Variants in C2CD3 observed in about 807,000 individuals in gnomAD.
C2CD3 encodes C2 domain containing 3 centriole elongation regulator.
In C2CD3, 148 loss-of-function variants were observed where a neutral mutation model predicts 234.0. The observed-to-expected ratio is 0.63, with a 90% CI of 0.55 to 0.72. The LOEUF is 0.72. Among genes scored for constraint, C2CD3 ranks in the 30% least tolerant of loss-of-function variants. The pLI is 0.00. For synonymous variants in C2CD3, 1,000 were observed against 1,035.4 expected, an observed-to-expected ratio of 0.97 and a Z score of 0.66; for missense variants, 2,577 against 2,811.5, an observed-to-expected ratio of 0.92 and a Z score of 1.89.
In C2CD3 at chr11:74,118,284, C is replaced by T. The variant is rs1195488959; in HGVS notation, c.1464G>A (p.Lys488=). Residue 488 remains lysine, a synonymous_variant, in exon 9 of 33, where the codon AAG becomes AAA. Transcript: ENST00000334126. The stretch of plus-strand genomic sequence containing the variant: ...GCTTATGATCACTTGACTCCAGAAC[C>T]TTAGATGATCTGGCAAGAGCTGTTG... ...SQSTALARSS[K]VLESSDHKLK... 3 of 1,613,182 alleles carry T rather than the reference C, an allele frequency of 1.9e-6. No homozygotes were observed. The highest frequency in any genetic ancestry group is 2.2e-5 in the South Asian group (2 of 91,068).
At chr11:74,056,300 T>A (rs1953946320) in intron 25 of C2CD3, among the ~76,000 whole-genome samples, 1 of 152,228 alleles carries the variant, frequency 6.6e-6, no homozygotes, top group African/African-American at 2.4e-5. Context: ...GTTACTATTA[T>A]CATAACATTG....
Position 74,168,379 on chromosome 11 carries a change from C to T in C2CD3, c.290G>A (p.Arg97His), listed in dbSNP as rs367882706. The part of the protein sequence containing the change: ...AVRTTTRYAI[R>H]CGPKQFTSYL... ...AGAGGTAAACTGTTTTGGACCACAACGAATAGCGTAACGTGTAGTTGTTCT... is the reference window on the plus strand; with the variant it reads ...AGAGGTAAACTGTTTTGGACCACAATGAATAGCGTAACGTGTAGTTGTTCT... Residue 97 changes from arginine to histidine, a missense_variant, in exon 2 of 33, where the codon CGT (arginine) becomes CAT (histidine). By Grantham distance (29) the Arg-to-His change is conservative. Coordinates refer to ENST00000334126, the MANE Select transcript of C2CD3 (RefSeq NM_001286577.2). 1.3e-5 allele frequency: 21 copies of T among 1,613,896 alleles called. No homozygotes were observed. The highest frequency in any genetic ancestry group is 1.1e-4 in the South Asian group (10 of 91,088).
chr11:74,133,769 C>T (rs1957760242), intron 5 of C2CD3: 1 of 554,862 alleles, frequency 1.8e-6, no homozygotes, highest in Non-Finnish European at 3.2e-6. Context: ...TAGATGCTGG[C>T]ATTGTAACAA....
intron 32 of C2CD3, among the ~76,000 whole-genome samples, chr11:74,027,093 G>A (rs1215828251): frequency 1.3e-5 from 2 of 151,804 alleles, no homozygotes; most frequent in Non-Finnish European, 2.9e-5. Flanking sequence ...GTCAGTATGT[G>A]AAGCTCTGAG....
chr11:74,111,945 C>T (rs1436587223), intron 11 of C2CD3, among the ~76,000 whole-genome samples: 1 of 146,032 alleles, frequency 6.8e-6, no homozygotes, highest in African/African-American at 2.6e-5. Context: ...CACACACACA[C>T]ACACACACAC....
In C2CD3 at chr11:74,080,107, C is replaced by A. The variant is rs1955274957; in HGVS notation, c.4001-1390G>T. Among the ~76,000 whole-genome samples the A allele has an allele frequency of 2.6e-5, 4 of 152,196 alleles. No homozygotes were observed. The South Asian group carries it at 8.3e-4, about 32-fold the overall frequency. ...GGCTCCTCAATGAGTTAAAAAACTTCTATTTTCAGGGTCTTTCAGATTTTG... is the reference window on the plus strand; with the variant it reads ...GGCTCCTCAATGAGTTAAAAAACTTATATTTTCAGGGTCTTTCAGATTTTG... On this transcript the variant is annotated intron_variant, in intron 22 of 32. Transcript: ENST00000334126.
At chr11:74,015,678 T>G (rs1052377973) in intron 32 of C2CD3, among the ~76,000 whole-genome samples, 4 of 152,232 alleles carry the variant, frequency 2.6e-5, no homozygotes, top group African/African-American at 4.8e-5. Context: ...TTCCCCATTT[T>G]CTAGAAGAGA....
intron 32 of C2CD3, among the ~76,000 whole-genome samples, chr11:74,022,586 A>C (rs906720673): frequency 1.3e-5 from 2 of 152,204 alleles, no homozygotes; most frequent in African/African-American, 4.8e-5. Flanking sequence ...ACACAGTCTG[A>C]GGAAGACAAC....
At chr11:74,029,976 G>C (rs529469186) in intron 31 of C2CD3, among the ~76,000 whole-genome samples, 2 of 152,102 alleles carry the variant, frequency 1.3e-5, no homozygotes, top group East Asian at 3.9e-4. Context: ...GGCTGGTCTT[G>C]AACTCCTGAC....
chr11:74,163,126 C>T (rs1448901471), intron 2 of C2CD3, among the ~76,000 whole-genome samples: 1 of 152,138 alleles, frequency 6.6e-6, no homozygotes, highest in Non-Finnish European at 1.5e-5. Context: ...TCGTTTTCAG[C>T]ATTTGTTAAT....
At chr11:74,095,507 T>C (rs1956073221) in intron 16 of C2CD3, 99 bp from the exon 17 acceptor site, 4 of 859,818 alleles carry the variant, frequency 4.7e-6, no homozygotes, top group Admixed American at 2.6e-5. Flanking sequence ...AAGAGATAAG[T>C]ATAATTAGTT....
Position 74,094,394 on chromosome 11 carries a change from G to C in C2CD3, c.3161-395C>G, listed in dbSNP as rs567083976. 2.0e-5 allele frequency among the ~76,000 whole-genome samples: 3 copies of C among 152,140 alleles called. No individual in the cohort carries two copies. The East Asian group carries it at 5.8e-4, about 29-fold the overall frequency. On this transcript the variant is annotated intron_variant, in intron 17 of 32. Transcript: ENST00000334126. ...TTTAATTGGTTTTTAAGAAATGATT[G>C]ATTTGTAAGAGTTCTTTATATATTC... is the stretch of plus-strand genomic sequence containing the variant.
intron 22 of C2CD3, among the ~76,000 whole-genome samples, chr11:74,084,432 T>TAA (rs58232839): frequency 7.4e-6 from 1 of 134,804 alleles, no homozygotes; most frequent in Non-Finnish European, 1.6e-5. Flanking sequence ...TAAAGTATAA[T>TAA]AAAAAAAAAA....
chr11:74,096,748 GC>G (rs1956121386), intron 16 of C2CD3, among the ~76,000 whole-genome samples: 2 of 152,104 alleles, frequency 1.3e-5, no homozygotes, highest in Non-Finnish European at 2.9e-5. Context: ...GCCATACAAC[GC>G]CTAAACAGAC....
In C2CD3 at chr11:74,074,325, C is replaced by A; in HGVS notation, c.4879G>T (p.Gly1627Cys). 1 of 1,614,228 alleles carries A rather than the reference C, an allele frequency of 6.2e-7. No homozygotes were observed. Among genetic ancestry groups the A allele is most frequent in the Non-Finnish European group, 8.5e-7 (1 of 1,180,040 alleles). Residue 1627 changes from glycine to cysteine, a missense_variant, in exon 24 of 33, where the codon GGC (glycine) becomes TGC (cysteine). Transcript: ENST00000334126. ...AACGTTCCATCCAAATCAGCAGGGC[C>A]CTCCTGCGTCAGGCGGACTTCAGCT... ...TTAEVRLTQE[G>C]PADLDGTFAV...
rs1193203123 is a variant in C2CD3, at chr11:74,138,764, C to T, written c.911G>A (p.Cys304Tyr). The T allele has an allele frequency of 6.2e-7, 1 of 1,612,766 alleles. No homozygotes were observed. Among genetic ancestry groups the T allele is most frequent in the Non-Finnish European group, 8.5e-7 (1 of 1,178,770 alleles). ...AGGGAGGTTGTTTGAAGAAAGAATG[C>T]ATGAGTCACTGTGACTCTTGGCAAC... Reference protein sequence around the residue: ...RTVAKSHSDSCILSSNNLPTK... With the variant: ...RTVAKSHSDSYILSSNNLPTK... Residue 304 changes from cysteine (C) to tyrosine (Y), a missense_variant, in exon 5 of 33, where the codon TGC becomes TAC. By Grantham distance (194) the Cys-to-Tyr change is radical. Coordinates refer to ENST00000334126, the MANE Select transcript of C2CD3 (RefSeq NM_001286577.2).
In C2CD3 at chr11:74,013,078, G is replaced by A. The variant is rs1001588272; in HGVS notation, c.*307C>T. On this transcript the variant is annotated 3_prime_UTR_variant, in exon 33 of 33. Coordinates refer to ENST00000334126, the MANE Select transcript of C2CD3 (RefSeq NM_001286577.2). ...AGCAGTCAGCTGTGTCAAGGACACTGGGGGGCGTTTCTCCACCGAAAGATG... is the reference window on the plus strand; with the variant it reads ...AGCAGTCAGCTGTGTCAAGGACACTAGGGGGCGTTTCTCCACCGAAAGATG... 2.7e-4 allele frequency: 48 copies of A among 180,114 alleles called. No individual in the cohort carries two copies. Among genetic ancestry groups the A allele is most frequent in the Non-Finnish European group, 3.4e-5 (3 of 87,050 alleles). The allele number at this position is 180,114 out of a possible 1,614,324, so 11.2% of individuals were successfully genotyped here. A position where few individuals can be genotyped will look rare whatever the true frequency, so the allele number is the denominator to read the frequency against.
chr11:74,019,140 CA>C (rs1185221114), intron 32 of C2CD3, among the ~76,000 whole-genome samples: 2 of 152,132 alleles, frequency 1.3e-5, no homozygotes, highest in African/African-American at 4.8e-5. Flanking sequence ...GAGAGGGCTC[CA>C]AAGTCCAGGT....
At chr11:74,159,061 T>C (rs540290603) in intron 3 of C2CD3, among the ~76,000 whole-genome samples, 2 of 152,270 alleles carry the variant, frequency 1.3e-5, no homozygotes, top group East Asian at 1.9e-4. Context: ...TATACGACAG[T>C]GGTCCCATAA....
Sources: allele counts gnomAD v4.1 joint callset (sites outside exome capture counted in the v4.1 genomes callset), GRCh38; gene constraint gnomAD v4.1.1; transcripts MANE v1.5; gene names NCBI Gene and HGNC (gene_info 2026-07-23, HGNC 2026-07-21).